Variants in EPHA6 observed in about 807,000 individuals in gnomAD.
The protein encoded by EPHA6 is EPH receptor A6.
In EPHA6, 50 loss-of-function variants were observed where a neutral mutation model predicts 112.0. The ratio of observed to expected loss-of-function variants is 0.45; its 90% CI spans 0.36 to 0.56. The LOEUF (loss-of-function observed/expected upper bound fraction) is 0.56, where lower values mean the gene tolerates loss of function less well. EPHA6 is among the 20% of genes least tolerant of loss of function. EPHA6 has a pLI of 0.00. For synonymous variants in EPHA6, 529 were observed against 490.7 expected (o/e 1.08, Z -1.03); for missense variants, 1,280 against 1,417.4 (o/e 0.90, Z 1.56).
At chr3:97,192,420 G>A (rs577438941) in intron 3 of EPHA6, among the ~76,000 whole-genome samples, 42 of 152,116 alleles carry the variant, frequency 2.8e-4, no homozygotes, top group African/African-American at 6.0e-4. Context: ...GTGCCTGACC[G>A]TCTTCTTTTG....
At chr3:97,315,614 T>C (rs2081790000) in intron 5 of EPHA6, among the ~76,000 whole-genome samples, 1 of 151,740 alleles carries the variant, frequency 6.6e-6, no homozygotes, top group South Asian at 2.1e-4. Flanking sequence ...CACGTGATGT[T>C]TCTTAAAAGT....
In EPHA6 at chr3:97,755,569, T is replaced by C. The variant is rs2036006368; in HGVS notation, c.*6868T>C. ...AGTTAGTAACAGGGTCTCCATCTCATTATCCCTCGCTGAAGTGAGAACTAT... is the reference window on the plus strand; with the variant it reads ...AGTTAGTAACAGGGTCTCCATCTCACTATCCCTCGCTGAAGTGAGAACTAT... On this transcript the variant is annotated 3_prime_UTR_variant, in exon 18 of 18. Coordinates refer to ENST00000389672, the MANE Select transcript of EPHA6 (RefSeq NM_001080448.3). Among the ~76,000 whole-genome samples, 1 of 152,176 alleles carries C rather than the reference T, an allele frequency of 6.6e-6. No homozygotes were observed.
chr3:97,479,171 GAT>G (rs2091458911), intron 8 of EPHA6, 121 bp from the exon 9 acceptor site: 2 of 556,906 alleles, frequency 3.6e-6, no homozygotes, highest in Non-Finnish European at 6.1e-6. Context: ...ACGTTATAAA[GAT>G]ATTTTAAAAG....
At chr3:96,832,211 A>G (rs1468606170) in intron 1 of EPHA6, among the ~76,000 whole-genome samples, 3 of 152,038 alleles carry the variant, frequency 2.0e-5, no homozygotes, top group African/African-American at 7.2e-5. Flanking sequence ...TTTAGCCCTT[A>G]TTTTAAAAAC....
At chr3:97,740,178 AT>A (rs1354660733) in intron 16 of EPHA6, among the ~76,000 whole-genome samples, 2 of 151,950 alleles carry the variant, frequency 1.3e-5, no homozygotes, top group Admixed American at 1.3e-4. Context: ...TGTCCTACAC[AT>A]TTATTCTGCA....
At chr3:97,620,581 A>G (rs966544762) in intron 13 of EPHA6, among the ~76,000 whole-genome samples, 1 of 152,072 alleles carries the variant, frequency 6.6e-6, no homozygotes, top group African/African-American at 2.4e-5. Context: ...GAAAAAAGCA[A>G]ACAACCCCAT....
chr3:97,158,464 A>G (rs965479779), intron 3 of EPHA6, among the ~76,000 whole-genome samples: 3 of 152,150 alleles, frequency 2.0e-5, no homozygotes, highest in Non-Finnish European at 4.4e-5. Flanking sequence ...GTCAGTCGAG[A>G]AAAATGATGA....
At chr3:97,739,259 C>A (rs187904599) in intron 16 of EPHA6, among the ~76,000 whole-genome samples, 6 of 152,192 alleles carry the variant, frequency 3.9e-5, no homozygotes, top group African/African-American at 1.2e-4. Flanking sequence ...TTCTTAAATT[C>A]TCCTGCACTT....
At chr3:97,319,941 ATGTT>A (rs2082030564) in intron 5 of EPHA6, among the ~76,000 whole-genome samples, 1 of 152,048 alleles carries the variant, frequency 6.6e-6, no homozygotes, top group African/African-American at 2.4e-5. Context: ...TTATCTGAAA[ATGTT>A]TGATATCTGT....
chr3:97,668,911 CAAAAAAAAAAAAAAA>C (rs397990599), intron 14 of EPHA6, among the ~76,000 whole-genome samples: 18 of 31,918 alleles, frequency 5.6e-4, no homozygotes, highest in East Asian at 4.6e-3. Context: ...GACTCTGTCT[CAAAAAAAAAAAAAAA>C]AAAAAAAAAA....
intron 16 of EPHA6, among the ~76,000 whole-genome samples, chr3:97,741,723 T>C (rs2035513393): frequency 6.6e-6 from 1 of 152,154 alleles, no homozygotes; most frequent in Non-Finnish European, 1.5e-5. Context: ...GGCAAGATGT[T>C]TGCTAGTACA....
intron 11 of EPHA6, among the ~76,000 whole-genome samples, chr3:97,538,061 AC>A (rs1195746750): frequency 1.3e-5 from 2 of 152,192 alleles, no homozygotes; most frequent in Non-Finnish European, 2.9e-5. Context: ...CTAGTTACAT[AC>A]TTTTGTTTTA....
intron 1 of EPHA6, among the ~76,000 whole-genome samples, chr3:96,841,829 T>C (rs556408579): frequency 9.2e-5 from 14 of 152,140 alleles, no homozygotes; most frequent in Non-Finnish European, 1.6e-4. Context: ...TTAAGCATCA[T>C]AGTGTATTAA....
At chr3:96,852,705 G>A (rs1233920544) in intron 1 of EPHA6, among the ~76,000 whole-genome samples, 1 of 151,878 alleles carries the variant, frequency 6.6e-6, no homozygotes, top group African/African-American at 2.4e-5. Flanking sequence ...GCAGTTATTG[G>A]GTGTAGAGTA....
chr3:97,176,350 G>A (rs2076835212), intron 3 of EPHA6, among the ~76,000 whole-genome samples: 3 of 151,790 alleles, frequency 2.0e-5, no homozygotes, highest in Admixed American at 2.0e-4. Flanking sequence ...ATATTGGCCT[G>A]TAGTTTTCAT....
intron 10 of EPHA6, among the ~76,000 whole-genome samples, chr3:97,527,069 C>T (rs1324109248): frequency 6.6e-6 from 1 of 152,076 alleles, no homozygotes; most frequent in Non-Finnish European, 1.5e-5. Flanking sequence ...GGGGCTGGAG[C>T]CAAAAGCTGT....
chr3:97,109,325 T>C (rs1383812138), intron 3 of EPHA6, among the ~76,000 whole-genome samples: 6 of 152,104 alleles, frequency 3.9e-5, no homozygotes, highest in Non-Finnish European at 4.4e-5. Context: ...GTGAAGACTG[T>C]TTAGGCTTAA....
In EPHA6 at chr3:97,457,016, A is replaced by G. The variant is rs138105733; in HGVS notation, c.1894+8286A>G. ...TTTGATATGGCTTTTCAAAAGTCGT[A>G]TTTTAGTTGTTAGAAAAACATCAAG... On this transcript the variant is annotated intron_variant, in intron 7 of 17. Coordinates refer to ENST00000389672, the MANE Select transcript of EPHA6 (RefSeq NM_001080448.3). 3.9e-5 allele frequency among the ~76,000 whole-genome samples: 6 copies of G among 152,282 alleles called. No homozygotes were observed. The East Asian group carries it at 1.2e-3, about 29-fold the overall frequency.
chr3:96,987,814 C>T lies in EPHA6; in HGVS notation c.935C>T (p.Pro312Leu). ...ACTGTTCGTAACTTGGCCATGTTTC[C>T]TGATACCATTCCAAGGGTTGATTCC... Reference protein sequence around the residue: ...PFTVRNLAMFPDTIPRVDSSS... With the variant: ...PFTVRNLAMFLDTIPRVDSSS... Residue 312 changes from proline (P) to leucine (L), a missense_variant, in exon 3 of 18, where the codon CCT (proline) becomes CTT (leucine). By Grantham distance (98) the Pro-to-Leu change is moderately conservative (BLOSUM62 -3). Coordinates refer to ENST00000389672, the MANE Select transcript of EPHA6 (RefSeq NM_001080448.3). 6.2e-7 allele frequency: 1 copy of T among 1,613,854 alleles called. No individual in the cohort carries two copies. Among genetic ancestry groups the T allele is most frequent in the Non-Finnish European group, 8.5e-7 (1 of 1,179,908 alleles).
Sources: gnomAD v4.1 joint callset for allele counts (sites outside exome capture counted in the v4.1 genomes callset) on GRCh38, gnomAD v4.1.1 for gene constraint, MANE v1.5 for transcripts, NCBI Gene and HGNC (gene_info 2026-07-23, HGNC 2026-07-21) for gene names.